MARCHF3: variants seen among roughly 807,000 people sequenced by gnomAD.
MARCHF3 encodes the protein membrane associated ring-CH-type finger 3.
Under a neutral mutation model 24.2 loss-of-function variants are expected in MARCHF3, and 13 were observed. That is an observed-to-expected ratio of 0.54 (90% CI 0.35 to 0.85). The LOEUF is 0.85. Ranked by LOEUF, MARCHF3 falls within the 40% of genes least tolerant of loss-of-function variation. The probability of loss-of-function intolerance (pLI) is 0.01; values close to 1 mark genes in which losing one functional copy is unlikely to be tolerated. For missense variants in MARCHF3, 276 were observed against 325.0 expected (o/e 0.85, Z 1.16); for synonymous variants, 144 against 137.3 (o/e 1.05, Z -0.34).
intron 1 of MARCHF3, among the ~76,000 whole-genome samples, chr5:127,005,105 C>G (rs1752262365): frequency 6.6e-6 from 1 of 151,728 alleles, no homozygotes; most frequent in African/African-American, 2.4e-5. Context: ...TAGACCAAAG[C>G]CTGGAATGAC....
In MARCHF3 at chr5:126,923,482, G is replaced by A. The variant is rs375603917; in HGVS notation, c.-56-5255C>T. On this transcript the variant is annotated intron_variant, in intron 1 of 4. Transcript: ENST00000308660. ...TGAGAGCAGGAGAATGTGAGTGCTG[G>A]CTGGCACTGACATGGTCATGTGAGC... Among the ~76,000 whole-genome samples, 87 of 152,304 alleles carry A rather than the reference G, an allele frequency of 5.7e-4. 1 individual carries two copies. The South Asian group carries it at 8.7e-3, about 15-fold the overall frequency.
chr5:126,959,404 G>C (rs1488355628), intron 1 of MARCHF3, among the ~76,000 whole-genome samples: 1 of 152,072 alleles, frequency 6.6e-6, no homozygotes, highest in East Asian at 1.9e-4. Context: ...AACTATCTAG[G>C]TCATCAAAAA....
At chr5:126,930,975 G>C (rs1006971452) in intron 1 of MARCHF3, among the ~76,000 whole-genome samples, 7 of 152,226 alleles carry the variant, frequency 4.6e-5, no homozygotes, top group Admixed American at 1.3e-4. Context: ...CACATACTTT[G>C]AGAGGGAAGC....
chr5:126,962,043 A>C (rs2126823024), intron 1 of MARCHF3, among the ~76,000 whole-genome samples: 1 of 152,314 alleles, frequency 6.6e-6, no homozygotes, highest in East Asian at 1.9e-4. Flanking sequence ...GCAAAACTTA[A>C]CATAAATATG....
At chr5:126,918,800 T>G (rs533702198) in intron 1 of MARCHF3, among the ~76,000 whole-genome samples, 2 of 152,360 alleles carry the variant, frequency 1.3e-5, no homozygotes, top group African/African-American at 4.8e-5. Context: ...ACCTTTCGAC[T>G]TTTGCCATAT....
intron 1 of MARCHF3, among the ~76,000 whole-genome samples, chr5:126,958,551 G>A (rs763752113): frequency 6.6e-6 from 1 of 151,930 alleles, no homozygotes; most frequent in Non-Finnish European, 1.5e-5. Context: ...AGTTACTTCT[G>A]ATCTAATCTG....
At chr5:127,027,039 C>G (rs1753021092) in intron 1 of MARCHF3, among the ~76,000 whole-genome samples, 1 of 152,094 alleles carries the variant, frequency 6.6e-6, no homozygotes, top group Non-Finnish European at 1.5e-5. Flanking sequence ...ATTTAGTAGT[C>G]TTAAATGGAG....
At chr5:127,013,292 T>C (rs1267208133) in intron 1 of MARCHF3, among the ~76,000 whole-genome samples, 3 of 152,250 alleles carry the variant, frequency 2.0e-5, no homozygotes, top group Non-Finnish European at 2.9e-5. Flanking sequence ...TTCACCCACA[T>C]AGCTTAGAAA....
At chr5:127,011,133 T>C (rs1752458183) in intron 1 of MARCHF3, among the ~76,000 whole-genome samples, 1 of 152,190 alleles carries the variant, frequency 6.6e-6, no homozygotes, top group South Asian at 2.1e-4. Context: ...CTGCATGAAA[T>C]AATCCTAGTT....
At chr5:126,926,782 T>G (rs1749311192) in intron 1 of MARCHF3, among the ~76,000 whole-genome samples, 1 of 150,644 alleles carries the variant, frequency 6.6e-6, no homozygotes, top group Admixed American at 6.6e-5. Flanking sequence ...CCCCCGAGAC[T>G]GAGGACCTGA....
chr5:126,905,279 G>T (rs1431568641), intron 3 of MARCHF3, among the ~76,000 whole-genome samples: 10 of 136,908 alleles, frequency 7.3e-5, no homozygotes, highest in Admixed American at 6.9e-4. Flanking sequence ...TTTGGCTTAG[G>T]ATTGACTTGG....
chr5:126,867,843 C>T lies in MARCHF3; in HGVS notation c.*2790G>A, dbSNP rs1752818421. ...TGTCCTCCGTCCTTCCCCAAATGAG[C>T]ACATATGCAGGGCAGGCAAGAGCAT... On this transcript the variant is annotated 3_prime_UTR_variant, in exon 5 of 5. Transcript: ENST00000308660. 6.6e-6 allele frequency: 1 copy of T among 152,202 alleles called. No homozygotes were observed. Among genetic ancestry groups the T allele is most frequent in the South Asian group, 2.1e-4 (1 of 4,836 alleles). 9.4% of individuals were successfully genotyped at this position (152,202 alleles called of 1,614,324 possible). A position where few individuals can be genotyped will look rare whatever the true frequency, so the allele number is the denominator to read the frequency against.
At chr5:126,916,692 GACACACACACACACACAC>G (rs34090036) in intron 2 of MARCHF3, among the ~76,000 whole-genome samples, 5 of 130,560 alleles carry the variant, frequency 3.8e-5, no homozygotes, top group South Asian at 2.7e-4. Flanking sequence ...CAGACAGACA[GACACACACACACACACAC>G]ACACACACAC....
rs558464085 is a variant in MARCHF3 at position 126,930,233 on chromosome 5, G to A, written c.-56-12006C>T. Among the ~76,000 whole-genome samples the A allele has an allele frequency of 2.2e-4, 33 of 152,334 alleles. No individual in the cohort carries two copies. The South Asian group carries it at 3.9e-3, about 18-fold the overall frequency. On this transcript the variant is annotated intron_variant, in intron 1 of 4. Coordinates refer to ENST00000308660, the MANE Select transcript of MARCHF3 (RefSeq NM_178450.5). ...ATTTTGCAGTGCTCTTGGAAGGAAG[G>A]CCAGATGCTGTTTTCCTTGCCTGTG...
intron 1 of MARCHF3, among the ~76,000 whole-genome samples, chr5:126,944,069 C>CA (rs1329802217): frequency 2.6e-5 from 4 of 152,028 alleles, no homozygotes; most frequent in Admixed American, 2.6e-4. Flanking sequence ...CCTGGCCTCC[C>CA]AAAGTGCTGG....
chr5:127,019,460 T>G (rs1323412516), intron 1 of MARCHF3, among the ~76,000 whole-genome samples: 2 of 152,220 alleles, frequency 1.3e-5, no homozygotes, highest in African/African-American at 2.4e-5. Context: ...CAGACGGACA[T>G]GCAAAGCAGT....
intron 3 of MARCHF3, among the ~76,000 whole-genome samples, chr5:126,889,549 C>T (rs911103265): frequency 1.3e-5 from 2 of 152,004 alleles, no homozygotes; most frequent in African/African-American, 4.8e-5. Context: ...ACAGAGCAGA[C>T]AATGTCACCA....
Position 126,870,708 on chromosome 5 carries a change from G to C in MARCHF3, c.687C>G (p.Val229=). 6.2e-7 allele frequency: 1 copy of C among 1,614,190 alleles called. No individual in the cohort carries two copies. Among genetic ancestry groups the C allele is most frequent in the Non-Finnish European group, 8.5e-7 (1 of 1,180,032 alleles). ...QRVILLIPKS[V]NVPSNQPSLL... ...AGGACGGCTGGTTAGAAGGTACATT[G>C]ACAGACTTTGGAATGAGGAGAATCA... Residue 229 remains valine, a synonymous_variant, in exon 5 of 5, where the codon GTC becomes GTG. Transcript: ENST00000308660.
intron 3 of MARCHF3, among the ~76,000 whole-genome samples, chr5:126,885,358 A>G (rs1259035660): frequency 1.3e-5 from 2 of 152,186 alleles, no homozygotes; most frequent in African/African-American, 2.4e-5. Context: ...GTCTGAGGGC[A>G]GGAGTTTGAG....
Sources: gnomAD v4.1 joint callset for allele counts (sites outside exome capture counted in the v4.1 genomes callset) on GRCh38, gnomAD v4.1.1 for gene constraint, MANE v1.5 for transcripts, NCBI Gene and HGNC (gene_info 2026-07-23, HGNC 2026-07-21) for gene names.